The following AP3B2 variants were observed in gnomAD, a reference collection of about 807,000 sequenced individuals.
AP3B2 encodes the protein AP-3 complex subunit beta-2.
Under a neutral mutation model 126.9 loss-of-function variants are expected in AP3B2, and 50 were observed. The observed-to-expected ratio is 0.39, with a 90% CI of 0.31 to 0.50. AP3B2 has a LOEUF of 0.50. AP3B2 is among the 20% of genes least tolerant of loss of function. The pLI is 0.79. For synonymous variants in AP3B2, 541 were observed against 565.0 expected, an observed-to-expected ratio of 0.96 and a Z score of 0.60; for missense variants, 1,177 against 1,426.4, an observed-to-expected ratio of 0.83 and a Z score of 2.82.
At chr15:82,701,033 G>C (rs2048713226) in intron 1 of AP3B2, among the ~76,000 whole-genome samples, 1 of 151,972 alleles carries the variant, frequency 6.6e-6, no homozygotes, top group Admixed American at 6.6e-5. Context: ...GCTAATTTTT[G>C]TATTTTTAGT....
intron 14 of AP3B2, among the ~76,000 whole-genome samples, chr15:82,674,502 G>A (rs945406841): frequency 2.6e-5 from 4 of 152,216 alleles, no homozygotes; most frequent in Non-Finnish European, 5.9e-5. Flanking sequence ...CTAGGGGAGG[G>A]TTCAGCTGTA....
At chr15:82,677,107 CA>C (rs1392476161) in intron 13 of AP3B2, among the ~76,000 whole-genome samples, 166 bp downstream of exon 13, 5 of 152,190 alleles carry the variant, frequency 3.3e-5, no homozygotes, top group African/African-American at 1.2e-4. Flanking sequence ...GAAAGCAAAT[CA>C]GGGGTAACAA....
At chr15:82,699,906 G>A in intron 1 of AP3B2, 1 of 399,272 alleles carries the variant, frequency 2.5e-6, no homozygotes, top group Admixed American at 4.4e-5. Context: ...GACTGAGCTG[G>A]CCAGGGCGCT....
Position 82,689,194 on chromosome 15 carries a change from G to A in AP3B2, c.228C>T (p.Pro76=), listed in dbSNP as rs578240684. ...ARGKNASDLF[P]AVVKNVACKN... Reference sequence around the variant, plus strand: ...TACAGGCCACGTTCTTCACCACCGCGGGAAACAGGTCTGAAGCATTCTTTC... The same window carrying A: ...TACAGGCCACGTTCTTCACCACCGCAGGAAACAGGTCTGAAGCATTCTTTC... The change falls in exon 3 of 27, where the codon CCC becomes CCT. Residue 76 remains proline, a synonymous_variant. Transcript: ENST00000535359. 13 of 1,613,892 alleles carry A rather than the reference G, an allele frequency of 8.1e-6. No homozygotes were observed. Among genetic ancestry groups the A allele is most frequent in the Admixed American group, 3.3e-5 (2 of 60,006 alleles).
chr15:82,693,135 A>G (rs143447247), intron 1 of AP3B2, among the ~76,000 whole-genome samples: 373 of 152,214 alleles, frequency 2.5e-3, no homozygotes, highest in African/African-American at 8.4e-3. Context: ...CATGGGGGGA[A>G]TTTCATAAAA....
intron 14 of AP3B2, among the ~76,000 whole-genome samples, chr15:82,672,599 CTAAG>C (rs2048176004): frequency 6.6e-6 from 1 of 151,972 alleles, no homozygotes; most frequent in African/African-American, 2.4e-5. Context: ...TTATAAATAA[CTAAG>C]AGAGTGTAAT....
At chr15:82,666,664 G>A (rs1003535693) in intron 15 of AP3B2, 83 bp downstream of exon 15, 45 of 1,449,430 alleles carry the variant, frequency 3.1e-5, no homozygotes, top group Non-Finnish European at 4.0e-5. Context: ...CCTGGCTAGG[G>A]GCCTCAGGAA....
chr15:82,687,385 T>C (rs2048447206), intron 4 of AP3B2: 1 of 152,230 alleles, frequency 6.6e-6, no homozygotes, highest in Admixed American at 6.5e-5. Context: ...ATTATCACAT[T>C]GAGTTGAACT....
In AP3B2 at chr15:82,680,573, G is replaced by C. The variant is rs759070906; in HGVS notation, c.954C>G (p.Ala318=). The C allele has an allele frequency of 4.3e-5, 68 of 1,585,520 alleles. No individual in the cohort carries two copies. In the African/African-American group the frequency reaches 8.7e-4, roughly 20 times the overall value. The change falls in exon 8 of 27, where the codon GCC becomes GCG. Residue 318 remains alanine (A), a synonymous_variant. Coordinates refer to ENST00000535359, the MANE Select transcript of AP3B2 (RefSeq NM_001278512.2). This position sits in a 1 kb window ranked among gnomAD's most constrained non-coding sequence, Gnocchi z 6.1. ...GCTGCGCCACCGCCATCACCACCGC[G>C]GCGCTGCGGCTCTGCAGCAGGGGTT... The part of the protein sequence containing the change: ...NTKPLLQSRS[A]AVVMAVAQLY...
Position 82,665,096 on chromosome 15 carries a change from C to G in AP3B2, c.2028+151G>C. ...CAGAGGAGGAAGAAAGGGGCACTGT[C>G]CATGGAGGGGAGGGAATGCTGCTCA... On this transcript the variant is annotated intron_variant, in intron 17 of 26. Coordinates refer to ENST00000535359, the MANE Select transcript of AP3B2 (RefSeq NM_001278512.2). The surrounding 1 kb of genome is among the most constrained non-coding windows in gnomAD (Gnocchi z 4.4). The G allele has an allele frequency of 1.9e-6, 2 of 1,029,718 alleles. No individual in the cohort carries two copies. The highest frequency in any genetic ancestry group is 2.9e-6 in the Non-Finnish European group (2 of 695,430). The allele number at this position is 1,029,718 out of a possible 1,614,324, so 63.8% of individuals were successfully genotyped here.
At chr15:82,674,923 G>A (rs1284327971) in intron 14 of AP3B2, among the ~76,000 whole-genome samples, 1 of 152,062 alleles carries the variant, frequency 6.6e-6, no homozygotes, top group Non-Finnish European at 1.5e-5. Context: ...ACAGGCCCAG[G>A]CTTATGAAAA....
rs1468174251 is a variant in AP3B2 at position 82,664,715 on chromosome 15, A to T, written c.2137+120T>A. Reference sequence around the variant, plus strand: ...GAACATGAATCCCTCAGGTGCACAAACAATTCACAAGCAGGTGCACACCCC... The same window carrying T: ...GAACATGAATCCCTCAGGTGCACAATCAATTCACAAGCAGGTGCACACCCC... On this transcript the variant is annotated intron_variant, in intron 18 of 26. Coordinates refer to ENST00000535359, the MANE Select transcript of AP3B2 (RefSeq NM_001278512.2). This position sits in a 1 kb window ranked among gnomAD's most constrained non-coding sequence, Gnocchi z 4.5. 1.1e-6 allele frequency: 1 copy of T among 938,286 alleles called. No homozygotes were observed. Among genetic ancestry groups the T allele is most frequent in the Admixed American group, 2.4e-5 (1 of 42,412 alleles). The allele number at this position is 938,286 out of a possible 1,614,324, so 58.1% of individuals were successfully genotyped here.
intron 1 of AP3B2, chr15:82,692,130 T>A: frequency 6.7e-7 from 1 of 1,493,910 alleles, no homozygotes; most frequent in African/African-American, 1.4e-5. Flanking sequence ...CCTGGAGAAC[T>A]CCACACGAAG....
intron 14 of AP3B2, among the ~76,000 whole-genome samples, chr15:82,672,932 A>G (rs570721449): frequency 2.6e-5 from 4 of 152,298 alleles, no homozygotes; most frequent in South Asian, 2.1e-4. Flanking sequence ...CAGGGCCACA[A>G]TCCTACAACT....
chr15:82,684,210 T>C (rs1052147346), intron 4 of AP3B2, among the ~76,000 whole-genome samples: 2 of 152,244 alleles, frequency 1.3e-5, no homozygotes, highest in Non-Finnish European at 2.9e-5. Flanking sequence ...CTTCTTCCAG[T>C]AAGAGGCTGT....
chr15:82,687,687 T>G (rs1281898378), intron 4 of AP3B2: 1 of 152,250 alleles, frequency 6.6e-6, no homozygotes, highest in East Asian at 1.9e-4. Flanking sequence ...TTGCTGGCCA[T>G]AGCAGATTGG....
At position 82,677,374 on chromosome 15, in the gene AP3B2, A is replaced by C; in HGVS notation, c.1388T>G (p.Val463Gly). Residue 463 changes from valine to glycine, a missense_variant, in exon 13 of 27, where the codon GTT (valine) becomes GGT (glycine). Val to Gly is a moderately radical substitution (Grantham distance 109, BLOSUM62 -3). Around this residue, in one of 5 missense-constraint regions of AP3B2, gnomAD observed 308 missense variants for 452.4 expected, o/e 0.68. Coordinates refer to ENST00000535359, the MANE Select transcript of AP3B2 (RefSeq NM_001278512.2). ...QLLSNRDELV[V>G]AESVVVIKKL... is the part of the protein sequence containing the mutation. ...CTTAATGACGACCACTGACTCTGCA[A>C]CCACAAGCTCTACAGAACAAAAATG... 1 of 1,613,780 alleles carries C rather than the reference A, an allele frequency of 6.2e-7. No individual in the cohort carries two copies.
intron 11 of AP3B2, 139 bp from the exon 12 acceptor site, chr15:82,677,942 A>G: frequency 3.0e-6 from 4 of 1,328,406 alleles, no homozygotes; most frequent in South Asian, 2.9e-5. Context: ...TCCACCCCCA[A>G]TCCAGTGATT....
intron 1 of AP3B2, among the ~76,000 whole-genome samples, chr15:82,702,782 TGCC>T (rs2048739591): frequency 6.6e-6 from 1 of 152,204 alleles, no homozygotes; most frequent in African/African-American, 2.4e-5. Context: ...TGAAATTTGG[TGCC>T]ATGACTCGGA....
Sources: allele counts gnomAD v4.1 joint callset (sites outside exome capture counted in the v4.1 genomes callset), GRCh38; gene constraint gnomAD v4.1.1; regional missense constraint gnomAD v4.1.1; non-coding constraint Gnocchi (gnomAD v3.1); transcripts MANE v1.5; gene names NCBI Gene and HGNC (gene_info 2026-07-23, HGNC 2026-07-21).